HEPHL1: variants seen among roughly 807,000 people sequenced by gnomAD.
The protein encoded by HEPHL1 is ferroxidase HEPHL1.
A neutral mutation model predicts 122.0 loss-of-function variants in HEPHL1; 123 were observed. The ratio of observed to expected loss-of-function variants is 1.01; its 90% confidence interval spans 0.87 to 1.17. HEPHL1 has a LOEUF of 1.17. HEPHL1 is among the 50% of genes most tolerant of loss of function. The probability of loss-of-function intolerance (pLI) is 0.00; values close to 1 mark genes in which losing one functional copy is unlikely to be tolerated. For synonymous variants in HEPHL1, 527 were observed against 508.9 expected (o/e 1.04, Z -0.48); for missense variants, 1,452 against 1,430.5 (o/e 1.01, Z -0.24).
intron 2 of HEPHL1, among the ~76,000 whole-genome samples, chr11:94,051,743 A>G (rs1261255249): frequency 1.3e-5 from 2 of 151,916 alleles, no homozygotes; most frequent in Non-Finnish European, 2.9e-5. Flanking sequence ...TTTGCCCAGT[A>G]TTTTCTTGTA....
intron 13 of HEPHL1, among the ~76,000 whole-genome samples, chr11:94,096,697 C>T (rs546392473): frequency 1.2e-4 from 18 of 152,276 alleles, no homozygotes; most frequent in African/African-American, 3.9e-4. Flanking sequence ...AATTTCAGAA[C>T]ACGTTATTGG....
chr11:94,026,037 A>G (rs1945621902), intron 1 of HEPHL1, among the ~76,000 whole-genome samples: 1 of 152,192 alleles, frequency 6.6e-6, no homozygotes, highest in Non-Finnish European at 1.5e-5. Context: ...TGGGCAGTCC[A>G]AGGCTGGTGG....
At chr11:94,052,690 ACTGGATTTTTTTCAATACTTTT>A (rs1945900758) in intron 2 of HEPHL1, among the ~76,000 whole-genome samples, 2 of 152,002 alleles carry the variant, frequency 1.3e-5, no homozygotes, top group African/African-American at 4.8e-5. Context: ...CTAAGTAAGT[ACTGGATTTTTTTCAATACTTTT>A]CTGTATCCAT....
At chr11:94,021,981 T>C (rs544090842) in intron 1 of HEPHL1, among the ~76,000 whole-genome samples, 1 of 152,326 alleles carries the variant, frequency 6.6e-6, no homozygotes, top group South Asian at 2.1e-4. Flanking sequence ...TGCTAAGTCA[T>C]GTTTTTCAAC....
intron 15 of HEPHL1, 51 bp from the exon 16 acceptor site, chr11:94,104,477 A>T: frequency 7.9e-7 from 1 of 1,267,100 alleles, no homozygotes; most frequent in Non-Finnish European, 1.1e-6. Flanking sequence ...GGAATGAAAT[A>T]TTATTAAATT....
At chr11:94,072,886 CT>C (rs1946087762) in intron 6 of HEPHL1, 138 bp from the exon 7 acceptor site, 1 of 719,272 alleles carries the variant, frequency 1.4e-6, no homozygotes, top group African/African-American at 1.8e-5. Context: ...TTCCTGGGAA[CT>C]CTGTCAAGGC....
chr11:94,110,047 T>G (rs749741198), intron 17 of HEPHL1, among the ~76,000 whole-genome samples: 7 of 152,250 alleles, frequency 4.6e-5, no homozygotes, highest in Non-Finnish European at 7.3e-5. Flanking sequence ...TTGAGTAATC[T>G]TCAGGAGTTT....
chr11:94,111,066 G>A lies in HEPHL1; in HGVS notation c.3208+1G>A. The stretch of plus-strand genomic sequence containing the variant: ...ACCTACACGGTCCTTCGTAACATAG[G>A]TACGGTTGTCTGTCAGTGATGCCAG... On this transcript the variant is annotated splice_donor_variant, in intron 18 of 19. Coordinates refer to ENST00000315765, the MANE Select transcript of HEPHL1 (RefSeq NM_001098672.2). LOFTEE classifies it high-confidence loss of function. 2.5e-6 allele frequency: 4 copies of A among 1,570,930 alleles called. No homozygotes were observed. The highest frequency in any genetic ancestry group is 3.5e-6 in the Non-Finnish European group (4 of 1,155,138).
Position 94,114,156 on chromosome 11 carries a change from C to T in HEPHL1, c.*2262C>T, listed in dbSNP as rs934507809. Among the ~76,000 whole-genome samples the T allele has an allele frequency of 7.9e-5, 12 of 152,170 alleles. No individual in the cohort carries two copies. The highest frequency in any genetic ancestry group is 9.7e-5 in the African/African-American group (4 of 41,430). ...TTTCTATGAAACCATCAGCAATGTC[C>T]GCCATTAAAAACAGAAAGCAATGTG... On this transcript the variant is annotated 3_prime_UTR_variant, in exon 20 of 20. Transcript: ENST00000315765.
chr11:94,105,981 C>T lies in HEPHL1; in HGVS notation c.2906-10C>T, dbSNP rs1451047368. 3 of 1,553,124 alleles carry T rather than the reference C, an allele frequency of 1.9e-6. No individual in the cohort carries two copies. Among genetic ancestry groups the T allele is most frequent in the African/African-American group, 2.7e-5 (2 of 73,294 alleles). On this transcript the variant is annotated splice_polypyrimidine_tract_variant and intron_variant, in intron 16 of 19. Transcript: ENST00000315765. ...CTAACCAAAGGTTATTTTCTTATCA[C>T]CTTTTAAAGCCATTAATGGAAAGAT...
At chr11:94,109,577 G>T (rs1416847207) in intron 17 of HEPHL1, among the ~76,000 whole-genome samples, 1 of 152,038 alleles carries the variant, frequency 6.6e-6, no homozygotes, top group Non-Finnish European at 1.5e-5. Flanking sequence ...TCTATCAAAT[G>T]GTTTTTCTGC....
intron 17 of HEPHL1, among the ~76,000 whole-genome samples, chr11:94,109,463 T>C (rs981217598): frequency 3.9e-5 from 6 of 152,150 alleles, no homozygotes; most frequent in African/African-American, 1.4e-4. Context: ...TCATTCACCT[T>C]TGAATATAAA....
chr11:94,111,511 A>T, intron 18 of HEPHL1, 26 bp from the exon 19 acceptor site: 1 of 1,555,810 alleles, frequency 6.4e-7, no homozygotes, highest in Non-Finnish European at 8.8e-7. Flanking sequence ...TGTTAATAAA[A>T]CAATGAACTT....
chr11:94,099,940 C>A (rs1306771145), intron 13 of HEPHL1, among the ~76,000 whole-genome samples: 1 of 152,130 alleles, frequency 6.6e-6, no homozygotes, highest in Admixed American at 6.5e-5. Context: ...AAAGGGAATT[C>A]CCTGACCCCT....
At chr11:94,029,446 T>C (rs1287761965) in intron 1 of HEPHL1, among the ~76,000 whole-genome samples, 1 of 152,112 alleles carries the variant, frequency 6.6e-6, no homozygotes, top group Non-Finnish European at 1.5e-5. Context: ...GTGGTCTTCT[T>C]TGGTTAGGAG....
At position 94,062,218 on chromosome 11, in the gene HEPHL1, C is replaced by G. The variant is rs149784161; in HGVS notation, c.416-1290C>G. ...GGTATAAATAGATTCAAATTTGACT[C>G]AAGAACATGCTAGGAGTGTTACCTT... On this transcript the variant is annotated intron_variant, in intron 2 of 19. Coordinates refer to ENST00000315765, the MANE Select transcript of HEPHL1 (RefSeq NM_001098672.2). 3.1e-3 allele frequency among the ~76,000 whole-genome samples: 472 copies of G among 152,190 alleles called. 1 individual carries two copies. The highest frequency in any genetic ancestry group is 0.011 in the African/African-American group (453 of 41,534).
In HEPHL1 at chr11:94,026,046, G is replaced by A. The variant is rs7944971; in HGVS notation, c.170+4508G>A. On this transcript the variant is annotated intron_variant, in intron 1 of 19. Transcript: ENST00000315765. The stretch of plus-strand genomic sequence containing the variant: ...CAGAAGTGGGCAGTCCAAGGCTGGT[G>A]GGATAGATGGTATAACAAGATATCA... 9.5e-3 allele frequency among the ~76,000 whole-genome samples: 1,449 copies of A among 152,246 alleles called. 18 individuals carry two copies. Among genetic ancestry groups the A allele is most frequent in the African/African-American group, 0.033 (1,380 of 41,542 alleles).
intron 13 of HEPHL1, among the ~76,000 whole-genome samples, chr11:94,097,008 C>G (rs1210748815): frequency 6.6e-6 from 1 of 152,018 alleles, no homozygotes; most frequent in Non-Finnish European, 1.5e-5. Context: ...TTTTTTGTGT[C>G]TCTCTCTCCT....
In HEPHL1 at chr11:94,099,740, C is replaced by A. The variant is rs1481619380; in HGVS notation, c.2435-1455C>A. On this transcript the variant is annotated intron_variant, in intron 13 of 19. Transcript: ENST00000315765. The stretch of plus-strand genomic sequence containing the variant: ...GGCGCCCCTCCCCCAGCCTCACTGC[C>A]ACCTTGCAGTTTGATCTCAGACTGC... 2.0e-5 allele frequency among the ~76,000 whole-genome samples: 3 copies of A among 152,208 alleles called. No homozygotes were observed. In the East Asian group the frequency reaches 5.8e-4, roughly 29 times the overall value.
Sources: allele counts gnomAD v4.1 joint callset (sites outside exome capture counted in the v4.1 genomes callset), GRCh38; gene constraint gnomAD v4.1.1; transcripts MANE v1.5; gene names NCBI Gene and HGNC (gene_info 2026-07-23, HGNC 2026-07-21).